FAM53B: variants seen among roughly 807,000 people sequenced by gnomAD.
FAM53B encodes family with sequence similarity 53 member B, also known as protein FAM53B.
Under a neutral mutation model 32.7 loss-of-function variants are expected in FAM53B, and 12 were observed. The ratio of observed to expected loss-of-function variants is 0.37; its 90% CI spans 0.24 to 0.59. The LOEUF (loss-of-function observed/expected upper bound fraction) is 0.59, where lower values mean the gene tolerates loss of function less well. Among genes scored for constraint, FAM53B ranks in the 20% least tolerant of loss-of-function variants. FAM53B has a pLI of 0.72. For synonymous variants in FAM53B, 234 were observed against 228.7 expected, an observed-to-expected ratio of 1.02 and a Z score of -0.21; for missense variants, 477 against 577.7, an observed-to-expected ratio of 0.83 and a Z score of 1.79.
At chr10:124,685,041 G>A (rs1949794002) in intron 3 of FAM53B, among the ~76,000 whole-genome samples, 1 of 152,224 alleles carries the variant, frequency 6.6e-6, no homozygotes, top group Non-Finnish European at 1.5e-5. Flanking sequence ...CATGGAGCAT[G>A]AAGAAGCAGA....
chr10:124,644,308 C>T (rs1589735570), intron 4 of FAM53B, among the ~76,000 whole-genome samples: 2 of 152,226 alleles, frequency 1.3e-5, no homozygotes, highest in East Asian at 1.9e-4. Context: ...CAGCTAAGAC[C>T]GCAACTCATA....
At chr10:124,685,510 G>A (rs144853305) in intron 3 of FAM53B, among the ~76,000 whole-genome samples, 91 of 152,354 alleles carry the variant, frequency 6.0e-4, no homozygotes, top group African/African-American at 1.3e-3. Context: ...GAATGTGGCC[G>A]GCTGAGGAAG....
intron 3 of FAM53B, among the ~76,000 whole-genome samples, chr10:124,686,821 T>C (rs1419789251): frequency 6.6e-6 from 1 of 152,236 alleles, no homozygotes; most frequent in Non-Finnish European, 1.5e-5. Context: ...CTTTTGTCCT[T>C]GGCAAAGGTG....
At chr10:124,743,080 C>G (rs1950208869) in intron 1 of FAM53B, 1 of 150,464 alleles carries the variant, frequency 6.6e-6, no homozygotes, top group Non-Finnish European at 1.5e-5. Context: ...CTGCGGCGCC[C>G]CGGCCCGTAC....
intron 1 of FAM53B, among the ~76,000 whole-genome samples, chr10:124,730,424 C>T (rs1950135367): frequency 6.6e-6 from 1 of 152,238 alleles, no homozygotes; most frequent in Admixed American, 6.5e-5. Flanking sequence ...ACAGCCTCTT[C>T]ACTCCAGGCC....
chr10:124,715,730 C>T (rs1437047054), intron 1 of FAM53B, among the ~76,000 whole-genome samples: 2 of 152,262 alleles, frequency 1.3e-5, no homozygotes, highest in East Asian at 1.9e-4. Flanking sequence ...CCCAGAGGAG[C>T]TGCAGGGCCC....
At chr10:124,643,054 G>A (rs566175876) in intron 4 of FAM53B, among the ~76,000 whole-genome samples, 1 of 152,284 alleles carries the variant, frequency 6.6e-6, no homozygotes, top group South Asian at 2.1e-4. Flanking sequence ...AGCTTGAGAT[G>A]ATCTTAAAGA....
At chr10:124,695,769 T>A (rs997710107) in intron 3 of FAM53B, among the ~76,000 whole-genome samples, 20 of 152,222 alleles carry the variant, frequency 1.3e-4, no homozygotes, top group Non-Finnish European at 2.9e-5. Flanking sequence ...AATTATATGT[T>A]CATCGTGGAA....
chr10:124,727,659 A>AATGTCTTATCCACTCC (rs1950115231), intron 1 of FAM53B, among the ~76,000 whole-genome samples: 1 of 151,926 alleles, frequency 6.6e-6, no homozygotes, highest in Admixed American at 6.5e-5. Flanking sequence ...CTGCCTTCCC[A>AATGTCTTATCCACTCC]ATGTCTTATC....
At chr10:124,657,869 G>A (rs981190877) in intron 4 of FAM53B, among the ~76,000 whole-genome samples, 2 of 152,298 alleles carry the variant, frequency 1.3e-5, no homozygotes, top group South Asian at 4.1e-4. Context: ...AGCTAGAGCC[G>A]CAACCAGCTC....
intron 1 of FAM53B, among the ~76,000 whole-genome samples, chr10:124,711,129 C>T (rs1229546469): frequency 6.6e-6 from 1 of 152,134 alleles, no homozygotes; most frequent in South Asian, 2.1e-4. Flanking sequence ...GAATACTACT[C>T]GGCAATAAGA....
chr10:124,739,080 C>T (rs1039549642), intron 1 of FAM53B, among the ~76,000 whole-genome samples: 3 of 150,222 alleles, frequency 2.0e-5, no homozygotes, highest in Admixed American at 1.3e-4. Flanking sequence ...AACACACAGC[C>T]ATAGCAGAGG....
rs923944906 is a variant in FAM53B at position 124,626,398 on chromosome 10, C to CG, written c.907-2795_907-2794insC. 2.7e-5 allele frequency among the ~76,000 whole-genome samples: 4 copies of CG among 147,000 alleles called. 1 individual carries two copies. Among genetic ancestry groups the CG allele is most frequent in the African/African-American group, 4.9e-5 (2 of 40,498 alleles). ...ACGGTCGAAATTTGTGCCCCCCCCCCCCCCACCATTCCTCAGTGCAAAAGG... is the reference window on the plus strand; with the variant it reads ...ACGGTCGAAATTTGTGCCCCCCCCCCGCCCCACCATTCCTCAGTGCAAAAGG... On this transcript the variant is annotated intron_variant, in intron 4 of 4. Coordinates refer to ENST00000337318, the MANE Select transcript of FAM53B (RefSeq NM_014661.4).
Position 124,667,015 on chromosome 10 carries a change from G to C in FAM53B, c.906+14592C>G, listed in dbSNP as rs76807048. ...AAGGGTCTATGGCAGCACCAAGTGGGAACCAAGGCTGACCCCCAACCCCCC... is the reference window on the plus strand; with the variant it reads ...AAGGGTCTATGGCAGCACCAAGTGGCAACCAAGGCTGACCCCCAACCCCCC... On this transcript the variant is annotated intron_variant, in intron 4 of 4. Coordinates refer to ENST00000337318, the MANE Select transcript of FAM53B (RefSeq NM_014661.4). Among the ~76,000 whole-genome samples the C allele has an allele frequency of 2.3e-4, 35 of 152,208 alleles. 1 individual carries two copies. The East Asian group carries it at 6.8e-3, about 29-fold the overall frequency.
chr10:124,627,883 T>A (rs1949365640), intron 4 of FAM53B, among the ~76,000 whole-genome samples: 1 of 151,324 alleles, frequency 6.6e-6, no homozygotes, highest in Non-Finnish European at 1.5e-5. Context: ...AGATATTTAT[T>A]CCCATACTTT....
In FAM53B at chr10:124,619,893, C is replaced by T. The variant is rs903808312; in HGVS notation, c.*3349G>A. On this transcript the variant is annotated 3_prime_UTR_variant, in exon 5 of 5. Transcript: ENST00000337318. Reference sequence around the variant, plus strand: ...CACGTCAGTGGAAACGGGGGTGCAGCAGGCATGACACCAAGGCAGAGCCCG... The same window carrying T: ...CACGTCAGTGGAAACGGGGGTGCAGTAGGCATGACACCAAGGCAGAGCCCG... 3.3e-5 allele frequency: 5 copies of T among 152,462 alleles called. No homozygotes were observed. The highest frequency in any genetic ancestry group is 7.3e-5 in the Non-Finnish European group (5 of 68,048). 9.4% of individuals were successfully genotyped at this position (152,462 alleles called of 1,614,324 possible).
At chr10:124,687,276 A>G (rs1187608459) in intron 3 of FAM53B, among the ~76,000 whole-genome samples, 1 of 152,130 alleles carries the variant, frequency 6.6e-6, no homozygotes, top group Non-Finnish European at 1.5e-5. Context: ...AAGAGGATAC[A>G]GGGTGCCCCC....
At chr10:124,734,962 T>A (rs1417320013) in intron 1 of FAM53B, among the ~76,000 whole-genome samples, 1 of 152,198 alleles carries the variant, frequency 6.6e-6, no homozygotes, top group Non-Finnish European at 1.5e-5. Flanking sequence ...CAAGCTTAGA[T>A]GAGCTCTTGC....
At chr10:124,709,249 T>A (rs926241988) in intron 1 of FAM53B, among the ~76,000 whole-genome samples, 1 of 152,224 alleles carries the variant, frequency 6.6e-6, no homozygotes, top group Non-Finnish European at 1.5e-5. Context: ...AGGCGGCCAG[T>A]AGAATGAAAC....
Sources: allele counts gnomAD v4.1 joint callset (sites outside exome capture counted in the v4.1 genomes callset), GRCh38; gene constraint gnomAD v4.1.1; transcripts MANE v1.5; gene names NCBI Gene and HGNC (gene_info 2026-07-23, HGNC 2026-07-21).